OXNAD1: variants seen among roughly 807,000 people sequenced by gnomAD.
OXNAD1 encodes the protein oxidoreductase NAD-binding domain-containing protein 1.
A neutral mutation model predicts 32.9 loss-of-function variants in OXNAD1; 34 were observed. The ratio of observed to expected loss-of-function variants is 1.03; its 90% CI spans 0.79 to 1.38. The LOEUF (loss-of-function observed/expected upper bound fraction) is 1.38. Ranked by LOEUF, OXNAD1 falls within the 40% of genes most tolerant of loss-of-function variation. OXNAD1 has a pLI of 0.00. For missense variants in OXNAD1, 407 were observed against 379.4 expected, an observed-to-expected ratio of 1.07 and a Z score of -0.60; for synonymous variants, 134 against 135.2, an observed-to-expected ratio of 0.99 and a Z score of 0.06.
intron 4 of OXNAD1, among the ~76,000 whole-genome samples, chr3:16,272,647 CTTTT>C (rs35628992): frequency 7.1e-5 from 8 of 112,748 alleles, no homozygotes; most frequent in African/African-American, 2.3e-4. Context: ...GCTTAAAGTT[CTTTT>C]TTTTTTTTTT....
At chr3:16,349,146 C>CT (rs1198504096) in intron 9 of OXNAD1, 1 of 152,210 alleles carries the variant, frequency 6.6e-6, no homozygotes, top group Non-Finnish European at 1.5e-5. Context: ...ACTGTATAAA[C>CT]TAAGCTTTTC....
rs201198369 is a variant in OXNAD1 at position 16,270,927 on chromosome 3, A to G, written c.-8-18A>G. 2.5e-6 allele frequency: 4 copies of G among 1,613,344 alleles called. No individual in the cohort carries two copies. The highest frequency in any genetic ancestry group is 2.2e-5 in the East Asian group (1 of 44,866). ...TTTTAAAAAAACAATTTGAAATTTCAGTTTTCTGTTTGCCCAGAAAGCGCC... is the reference window on the plus strand; with the variant it reads ...TTTTAAAAAAACAATTTGAAATTTCGGTTTTCTGTTTGCCCAGAAAGCGCC... On this transcript the variant is annotated intron_variant, in intron 2 of 8. Coordinates refer to ENST00000285083, the MANE Select transcript of OXNAD1 (RefSeq NM_138381.5).
downstream of OXNAD1, among the ~76,000 whole-genome samples, chr3:16,340,196 T>C (rs2071221622): frequency 6.6e-6 from 1 of 152,228 alleles, no homozygotes; most frequent in African/African-American, 2.4e-5. Flanking sequence ...TGTTTCTCCA[T>C]CTCTTGACTC....
intron 4 of OXNAD1, among the ~76,000 whole-genome samples, chr3:16,283,696 A>G (rs770133706): frequency 1.3e-5 from 2 of 152,130 alleles, no homozygotes; most frequent in African/African-American, 4.8e-5. Flanking sequence ...GAGGGCCTCA[A>G]CCTGGAGTGG....
intron 4 of OXNAD1, among the ~76,000 whole-genome samples, chr3:16,272,554 G>C (rs892776971): frequency 5.9e-5 from 9 of 151,774 alleles, no homozygotes; most frequent in African/African-American, 1.9e-4. Context: ...TAATGTAAAG[G>C]CATATTGTTT....
At chr3:16,281,785 T>G (rs1468812860) in intron 4 of OXNAD1, among the ~76,000 whole-genome samples, 1 of 152,084 alleles carries the variant, frequency 6.6e-6, no homozygotes, top group Non-Finnish European at 1.5e-5. Context: ...TGTTAAGGAA[T>G]TCAACACATG....
Position 16,265,265 on chromosome 3 carries a change from C to A in OXNAD1, c.-399C>A. On this transcript the variant is annotated 5_prime_UTR_variant, in exon 1 of 9. Coordinates refer to ENST00000285083, the MANE Select transcript of OXNAD1 (RefSeq NM_138381.5). The surrounding 1 kb of genome is among the most constrained non-coding windows in gnomAD (Gnocchi z 4.8). The stretch of plus-strand genomic sequence containing the variant: ...GCCGGGTCTGCAAGCTAGGTGCCAG[C>A]GGGGAAAGTTTCCCTGCTTCTTATC... 4.5e-6 allele frequency: 1 copy of A among 220,298 alleles called. No individual in the cohort carries two copies. The highest frequency in any genetic ancestry group is 7.2e-5 in the South Asian group (1 of 13,912). The allele number at this position is 220,298 out of a possible 1,614,324, so 13.6% of individuals were successfully genotyped here.
In OXNAD1 at chr3:16,316,178, A is replaced by C. The variant is rs2125146659; in HGVS notation, c.*30+12586A>C. 6.5e-6 allele frequency: 1 copy of C among 153,886 alleles called. No individual in the cohort carries two copies. Among genetic ancestry groups the C allele is most frequent in the South Asian group, 2.1e-4 (1 of 4,854 alleles). The allele number at this position is 153,886 out of a possible 1,614,324, so 9.5% of individuals were successfully genotyped here. ...TTTTTGGCATTAATACTAACACAGA[A>C]TACTTCCTTGAACATTCTGCAAAAG... On this transcript the variant is annotated intron_variant, in intron 9 of 9. Coordinates refer to the OXNAD1 transcript ENST00000435829. The surrounding 1 kb of genome is among the most constrained non-coding windows in gnomAD (Gnocchi z 4.5).
chr3:16,331,531 T>C (rs1156619067), intron 9 of OXNAD1, among the ~76,000 whole-genome samples: 1 of 152,250 alleles, frequency 6.6e-6, no homozygotes, highest in African/African-American at 2.4e-5. Flanking sequence ...AGTTAATTAT[T>C]ACCTCCATTT....
intron 4 of OXNAD1, among the ~76,000 whole-genome samples, chr3:16,281,831 GA>G (rs2065759680): frequency 6.6e-6 from 1 of 151,172 alleles, no homozygotes; most frequent in South Asian, 2.1e-4. Context: ...AATCTACCTC[GA>G]GGCTGTATTT....
chr3:16,269,073 T>C, intron 1 of OXNAD1, 53 bp from the exon 2 acceptor site: 2 of 1,379,438 alleles, frequency 1.4e-6, no homozygotes, highest in Non-Finnish European at 1.9e-6. Context: ...GAGGTAATAG[T>C]GCTTTTGATC....
Position 16,335,440 on chromosome 3 carries a change from G to T in OXNAD1, c.*31-1672G>T, listed in dbSNP as rs775057057. On this transcript the variant is annotated intron_variant, in intron 9 of 9. Coordinates refer to the OXNAD1 transcript ENST00000435829. The surrounding 1 kb of genome is among the most constrained non-coding windows in gnomAD (Gnocchi z 4.7). ...CATAATGCTATGCAGCCTTAAAAAG[G>T]AACGAATCACGTCCTTTGTGGGGAC... Among the ~76,000 whole-genome samples the T allele has an allele frequency of 1.4e-4, 22 of 152,210 alleles. No individual in the cohort carries two copies. The highest frequency in any genetic ancestry group is 2.8e-4 in the Non-Finnish European group (19 of 68,040).
At chr3:16,318,359 G>C (rs2068662731) in intron 9 of OXNAD1, among the ~76,000 whole-genome samples, 1 of 152,142 alleles carries the variant, frequency 6.6e-6, no homozygotes. Flanking sequence ...GAGAAAAAGG[G>C]AGCTCTCAGT....
At chr3:16,339,208 A>G (rs2071135691), downstream of OXNAD1, 1 of 152,224 alleles carries the variant, frequency 6.6e-6, no homozygotes, top group African/African-American at 2.4e-5. Flanking sequence ...TGCTGGAGCA[A>G]TCACAGTTGG....
Position 16,316,822 on chromosome 3 carries a change from C to T in OXNAD1, c.*30+13230C>T, listed in dbSNP as rs1441163462. 3.7e-6 allele frequency: 6 copies of T among 1,613,376 alleles called. No homozygotes were observed. Among genetic ancestry groups the T allele is most frequent in the Admixed American group, 3.3e-5 (2 of 59,916 alleles). ...TCACCTAGTTTTAGCACAAATTGCCCAAGACTCAGTTTTCTTCAACCGTAC... is the reference window on the plus strand; with the variant it reads ...TCACCTAGTTTTAGCACAAATTGCCTAAGACTCAGTTTTCTTCAACCGTAC... On this transcript the variant is annotated intron_variant, in intron 9 of 9. Transcript: ENST00000435829. This position sits in a 1 kb window ranked among gnomAD's most constrained non-coding sequence, Gnocchi z 4.5.
At position 16,345,813 on chromosome 3, in the gene OXNAD1, TGTGTGC is replaced by T. The variant is rs752278928; in HGVS notation, c.*31-3361_*31-3356del. Among the ~76,000 whole-genome samples, 7 of 84,736 alleles carry T rather than the reference TGTGTGC, an allele frequency of 8.3e-5. No homozygotes were observed. Among genetic ancestry groups the T allele is most frequent in the South Asian group, 3.7e-4 (1 of 2,704 alleles). 55.6% of individuals were successfully genotyped at this position (84,736 alleles called of 152,430 possible). A position where few individuals can be genotyped will look rare whatever the true frequency, so the allele number is the denominator to read the frequency against. ...CTGTGTGTGTGTGTGTGTGTGTGTG[TGTGTGC>T]GCGCGCGCGTGCGCGCACGCGCACA... On this transcript the variant is annotated intron_variant, in intron 9 of 9. Coordinates refer to the OXNAD1 transcript ENST00000606098. This position sits in a 1 kb window ranked among gnomAD's most constrained non-coding sequence, Gnocchi z 5.2.
At chr3:16,326,626 T>C (rs562079344) in intron 9 of OXNAD1, 2 of 628,322 alleles carry the variant, frequency 3.2e-6, no homozygotes, top group Non-Finnish European at 5.5e-6. Flanking sequence ...AAATTCTGGC[T>C]CTGCTGCTTC....
chr3:16,269,741 A>G (rs190156784), intron 2 of OXNAD1, among the ~76,000 whole-genome samples: 1 of 152,238 alleles, frequency 6.6e-6, no homozygotes, highest in Admixed American at 6.5e-5. Flanking sequence ...TGGAGTAGGA[A>G]TGTAAACACT....
rs1391706961 is a variant in OXNAD1 at position 16,303,955 on chromosome 3, ATATCT to A, written c.*397_*401del. ...TTTAAATTATTTGACAGCCATCTAT[ATATCT>A]TATGTTTAATGAAAGTATAATTTAA... On this transcript the variant is annotated 3_prime_UTR_variant, in exon 9 of 9. Coordinates refer to ENST00000285083, the MANE Select transcript of OXNAD1 (RefSeq NM_138381.5). The surrounding 1 kb of genome is among the most constrained non-coding windows in gnomAD (Gnocchi z 4.8). 1.3e-5 allele frequency: 2 copies of A among 154,002 alleles called. No homozygotes were observed. The highest frequency in any genetic ancestry group is 4.8e-5 in the African/African-American group (2 of 41,426). 9.5% of individuals were successfully genotyped at this position (154,002 alleles called of 1,614,324 possible).
Sources: allele counts gnomAD v4.1 joint callset (sites outside exome capture counted in the v4.1 genomes callset), GRCh38; gene constraint gnomAD v4.1.1; non-coding constraint Gnocchi (gnomAD v3.1); transcripts MANE v1.5; gene names NCBI Gene and HGNC (gene_info 2026-07-23, HGNC 2026-07-21).